CACNB2: variants seen among roughly 807,000 people sequenced by gnomAD.
CACNB2 encodes voltage-dependent L-type calcium channel subunit beta-2.
Under a neutral mutation model 73.3 loss-of-function variants are expected in CACNB2, and 42 were observed. The observed-to-expected ratio is 0.57, with a 90% CI of 0.45 to 0.74. CACNB2 has a LOEUF of 0.74. CACNB2 is among the 30% of genes least tolerant of loss of function. The pLI, the probability that CACNB2 is intolerant of heterozygous loss-of-function variation, is 0.00. For synonymous variants in CACNB2, 348 were observed against 310.3 expected, an observed-to-expected ratio of 1.12 and a Z score of -1.28; for missense variants, 940 against 853.0, an observed-to-expected ratio of 1.10 and a Z score of -1.27.
At chr10:18,236,269 A>G (rs1459313105) in intron 2 of CACNB2, among the ~76,000 whole-genome samples, 1 of 152,202 alleles carries the variant, frequency 6.6e-6, no homozygotes, top group African/African-American at 2.4e-5. Flanking sequence ...AAGCAGAGAC[A>G]TTCGCCATTG....
chr10:18,537,832 C>CCTATT (rs796750137), intron 12 of CACNB2, among the ~76,000 whole-genome samples: 3 of 151,896 alleles, frequency 2.0e-5, no homozygotes, highest in African/African-American at 7.3e-5. Flanking sequence ...CAGGCTTCTT[C>CCTATT]CTATTCTATT....
intron 3 of CACNB2, among the ~76,000 whole-genome samples, chr10:18,434,128 T>C (rs1405756315): frequency 6.6e-6 from 1 of 152,048 alleles, no homozygotes; most frequent in Non-Finnish European, 1.5e-5. Context: ...TGAAAGAAAA[T>C]GGTTTGAAGA....
chr10:18,263,850 C>T (rs992746507), intron 2 of CACNB2, among the ~76,000 whole-genome samples: 8 of 152,180 alleles, frequency 5.3e-5, no homozygotes, highest in Admixed American at 2.0e-4. Context: ...TCCTGTCTTG[C>T]TCTTTAAGAC....
chr10:18,158,576 C>G lies in CACNB2; in HGVS notation c.213+7601C>G, dbSNP rs146498180. On this transcript the variant is annotated intron_variant, in intron 2 of 13. Transcript: ENST00000324631. Reference sequence around the variant, plus strand: ...TATCATTGTAATAAACCTGGAAAAGCTATAATTCTTAATCTTTTGTATTTA... The same window carrying G: ...TATCATTGTAATAAACCTGGAAAAGGTATAATTCTTAATCTTTTGTATTTA... Among the ~76,000 whole-genome samples the G allele has an allele frequency of 3.7e-3, 563 of 152,182 alleles. 1 individual carries two copies. Among genetic ancestry groups the G allele is most frequent in the African/African-American group, 0.011 (446 of 41,516 alleles).
intron 4 of CACNB2, among the ~76,000 whole-genome samples, chr10:18,499,561 G>A (rs1339512620): frequency 2.1e-5 from 3 of 142,174 alleles, no homozygotes; most frequent in Non-Finnish European, 3.1e-5. Flanking sequence ...GTTGCAGTGA[G>A]CCGAGATTGC....
At chr10:18,298,837 C>G (rs1170484936) in intron 2 of CACNB2, among the ~76,000 whole-genome samples, 1 of 151,938 alleles carries the variant, frequency 6.6e-6, no homozygotes, top group African/African-American at 2.4e-5. Context: ...CGGGTTTCTT[C>G]CACTCTGCAA....
intron 2 of CACNB2, chr10:18,340,903 G>A: frequency 1.2e-6 from 2 of 1,614,032 alleles, no homozygotes; most frequent in East Asian, 2.2e-5. Context: ...CTGGAGTGCT[G>A]GGCGCACTTG....
intron 5 of CACNB2, among the ~76,000 whole-genome samples, chr10:18,506,134 C>T (rs1250611125): frequency 6.6e-6 from 1 of 152,156 alleles, no homozygotes; most frequent in African/African-American, 2.4e-5. Flanking sequence ...CTGTGCATCG[C>T]CTCTGAGGGT....
rs571450104 is a variant in CACNB2, at chr10:18,442,996, A to G, written c.333+40953A>G. ...TGTATATATATATATGTATATATAT[A>G]TGTGTATATATATATATGTATATAT... On this transcript the variant is annotated intron_variant, in intron 3 of 13. Coordinates refer to ENST00000324631, the MANE Select transcript of CACNB2 (RefSeq NM_201596.3). Among the ~76,000 whole-genome samples the G allele has an allele frequency of 8.7e-3, 144 of 16,464 alleles. 27 individuals are homozygous for G. Among genetic ancestry groups the G allele is most frequent in the South Asian group, 0.048 (29 of 600 alleles). 10.8% of individuals were successfully genotyped at this position (16,464 alleles called of 152,430 possible).
At chr10:18,352,859 G>A (rs1212051253) in intron 2 of CACNB2, among the ~76,000 whole-genome samples, 5 of 152,160 alleles carry the variant, frequency 3.3e-5, no homozygotes, top group Non-Finnish European at 7.3e-5. Flanking sequence ...ATCAATAAAA[G>A]CTGTGAACAG....
At chr10:18,326,850 C>G (rs2040606835) in intron 2 of CACNB2, among the ~76,000 whole-genome samples, 1 of 152,128 alleles carries the variant, frequency 6.6e-6, no homozygotes, top group African/African-American at 2.4e-5. Context: ...CTTCAGCCCT[C>G]CGAGTAGCTG....
intron 3 of CACNB2, among the ~76,000 whole-genome samples, chr10:18,487,760 A>C (rs1283127172): frequency 2.6e-5 from 4 of 151,764 alleles, no homozygotes; most frequent in African/African-American, 9.7e-5. Context: ...ACTTGATCCT[A>C]CGAGGCAGAG....
chr10:18,509,801 TAAAC>T (rs962267682), intron 6 of CACNB2, among the ~76,000 whole-genome samples: 37 of 151,418 alleles, frequency 2.4e-4, no homozygotes, highest in African/African-American at 4.8e-4. Context: ...AATAAATAAA[TAAAC>T]AAACAAACAG....
rs906873969 is a variant in CACNB2, at chr10:18,261,213, A to C, written c.213+110238A>C. ...AATGGACCGAGGCTGTGACGAGAAG[A>C]CAAGGCACAGTGCAGCTTGGTGAAG... is the stretch of plus-strand genomic sequence containing the variant. On this transcript the variant is annotated intron_variant, in intron 2 of 13. Coordinates refer to ENST00000324631, the MANE Select transcript of CACNB2 (RefSeq NM_201596.3). The C allele has an allele frequency of 3.0e-5, 47 of 1,550,062 alleles. No homozygotes were observed. In the Admixed American group the frequency reaches 9.2e-4, roughly 30 times the overall value.
intron 3 of CACNB2, among the ~76,000 whole-genome samples, chr10:18,406,013 T>C (rs1384261917): frequency 6.6e-6 from 1 of 152,142 alleles, no homozygotes; most frequent in East Asian, 1.9e-4. Context: ...CTTAGCCGAA[T>C]AGAATAACCT....
intron 3 of CACNB2, among the ~76,000 whole-genome samples, chr10:18,441,194 A>G (rs565691864): frequency 6.6e-6 from 1 of 152,294 alleles, no homozygotes; most frequent in South Asian, 2.1e-4. Context: ...CACCCAGGTC[A>G]GGAGGTCGAG....
At chr10:18,234,400 A>G (rs1277754) in intron 2 of CACNB2, 86,489 of 152,112 alleles carry the variant, frequency 0.57, 27,250 homozygotes, top group Non-Finnish European at 0.71. Flanking sequence ...GTATACACCC[A>G]AGAGAACTGA....
At chr10:18,260,179 G>C (rs985149941) in intron 2 of CACNB2, among the ~76,000 whole-genome samples, 1 of 152,096 alleles carries the variant, frequency 6.6e-6, no homozygotes, top group African/African-American at 2.4e-5. Flanking sequence ...ATCTTTTTAG[G>C]TGTGACATTT....
At chr10:18,178,445 T>C (rs1244821888) in intron 2 of CACNB2, among the ~76,000 whole-genome samples, 1 of 152,220 alleles carries the variant, frequency 6.6e-6, no homozygotes, top group Non-Finnish European at 1.5e-5. Flanking sequence ...ACATGGTAAA[T>C]ACTGAAAATC....
Sources: gnomAD v4.1 joint callset for allele counts (sites outside exome capture counted in the v4.1 genomes callset) on GRCh38, gnomAD v4.1.1 for gene constraint, MANE v1.5 for transcripts, NCBI Gene and HGNC (gene_info 2026-07-23, HGNC 2026-07-21) for gene names.